SEMA6D: variants seen among roughly 807,000 people sequenced by gnomAD.
The protein encoded by SEMA6D is semaphorin 6D.
A neutral mutation model predicts 106.6 loss-of-function variants in SEMA6D; 35 were observed. The ratio of observed to expected loss-of-function variants is 0.33; its 90% CI spans 0.25 to 0.44. SEMA6D has a LOEUF of 0.44. SEMA6D is among the 20% of genes least tolerant of loss of function. The pLI is 1.00. For synonymous variants in SEMA6D, 499 were observed against 487.7 expected (o/e 1.02, Z -0.31); for missense variants, 1,185 against 1,345.9 (o/e 0.88, Z 1.87).
chr15:47,659,717 A>C (rs2077878097), intron 4 of SEMA6D, among the ~76,000 whole-genome samples: 1 of 152,148 alleles, frequency 6.6e-6, no homozygotes, highest in Non-Finnish European at 1.5e-5. Context: ...AAGTTCTTAA[A>C]GTTCACGAAA....
At chr15:47,272,039 T>G (rs1055115288) in intron 1 of SEMA6D, among the ~76,000 whole-genome samples, 4 of 152,188 alleles carry the variant, frequency 2.6e-5, no homozygotes, top group African/African-American at 7.2e-5. Context: ...ACAAGCCTTC[T>G]TCAGATCCCA....
intron 3 of SEMA6D, among the ~76,000 whole-genome samples, chr15:47,573,101 CTAGGTATCT>C: frequency 6.6e-6 from 1 of 151,550 alleles, no homozygotes; most frequent in Non-Finnish European, 1.5e-5. Flanking sequence ...AAGTGTAAGA[CTAGGTATCT>C]TAAACTCAGG....
intron 4 of SEMA6D, among the ~76,000 whole-genome samples, chr15:47,676,733 A>G (rs1363318841): frequency 2.6e-5 from 4 of 152,158 alleles, no homozygotes; most frequent in East Asian, 1.9e-4. Context: ...GCTGCAAAAC[A>G]AACCACCCCA....
intron 1 of SEMA6D, among the ~76,000 whole-genome samples, chr15:47,222,926 G>T (rs2031329680): frequency 6.6e-6 from 1 of 152,170 alleles, no homozygotes; most frequent in Non-Finnish European, 1.5e-5. Context: ...AGAAGGGTTT[G>T]CTTTGTCAAC....
Position 47,764,984 on chromosome 15 carries a change from T to A in SEMA6D, c.1355T>A (p.Leu452Gln), listed in dbSNP as rs768398406. 1.9e-5 allele frequency: 30 copies of A among 1,613,822 alleles called. No individual in the cohort carries two copies. Among genetic ancestry groups the A allele is most frequent in the African/African-American group, 2.7e-5 (2 of 74,924 alleles). Residue 452 changes from leucine to glutamine, a missense_variant, in exon 13 of 19, where the codon CTG (leucine) becomes CAG (glutamine). By Grantham distance (113) the Leu-to-Gln change is moderately radical (BLOSUM62 -2). Transcript: ENST00000536845. ...GSEAGMVLKV[L>Q]AKTSPFSLND... is the part of the protein sequence containing the mutation. ...GAAGCTGGCATGGTACTTAAAGTTC[T>A]GGCAAAGACCAGTCCTTTCTCTTTG... is the stretch of plus-strand genomic sequence containing the variant.
At chr15:47,215,749 A>G (rs1304617221) in intron 1 of SEMA6D, among the ~76,000 whole-genome samples, 1 of 152,160 alleles carries the variant, frequency 6.6e-6, no homozygotes, top group African/African-American at 2.4e-5. Flanking sequence ...TTCTAAACAA[A>G]TCTTGCTCAC....
intron 4 of SEMA6D, among the ~76,000 whole-genome samples, chr15:47,695,626 A>C (rs192459745): frequency 3.3e-5 from 5 of 152,284 alleles, no homozygotes; most frequent in African/African-American, 1.2e-4. Context: ...CCCTTTGACT[A>C]TCAAAATTTC....
At chr15:47,437,958 G>A (rs2140705145) in intron 2 of SEMA6D, among the ~76,000 whole-genome samples, 1 of 152,208 alleles carries the variant, frequency 6.6e-6, no homozygotes. Context: ...TGTGTGTGGT[G>A]GAGGGAGTTA....
At chr15:47,331,033 G>C (rs1017182492) in intron 1 of SEMA6D, among the ~76,000 whole-genome samples, 9 of 152,132 alleles carry the variant, frequency 5.9e-5, no homozygotes, top group African/African-American at 2.2e-4. Flanking sequence ...AAGCATCAAG[G>C]TCACAGTAGT....
chr15:47,707,741 A>G (rs561792319), intron 4 of SEMA6D, among the ~76,000 whole-genome samples: 1 of 152,296 alleles, frequency 6.6e-6, no homozygotes, highest in South Asian at 2.1e-4. Flanking sequence ...TCTGGAAAAT[A>G]TGTTCCCGCT....
intron 3 of SEMA6D, among the ~76,000 whole-genome samples, chr15:47,600,045 T>C (rs1197038362): frequency 6.6e-6 from 1 of 152,082 alleles, no homozygotes; most frequent in East Asian, 1.9e-4. Context: ...CGGTCAACCA[T>C]AGCATCACTT....
intron 1 of SEMA6D, among the ~76,000 whole-genome samples, chr15:47,309,492 G>A (rs966926412): frequency 6.6e-6 from 1 of 152,130 alleles, no homozygotes; most frequent in African/African-American, 2.4e-5. Context: ...AGTGATACTG[G>A]AAATTTGGAA....
chr15:47,394,052 T>C (rs1203930550), intron 1 of SEMA6D, among the ~76,000 whole-genome samples: 1 of 152,168 alleles, frequency 6.6e-6, no homozygotes, highest in Non-Finnish European at 1.5e-5. Flanking sequence ...ACCTACTCTC[T>C]TAATCAGTTT....
intron 3 of SEMA6D, among the ~76,000 whole-genome samples, chr15:47,473,636 C>T (rs368719618): frequency 7.9e-5 from 12 of 152,166 alleles, no homozygotes; most frequent in African/African-American, 2.9e-4. Context: ...GGGGTTAATG[C>T]TTAAAAAGAA....
At chr15:47,467,004 C>G (rs2141114322) in intron 2 of SEMA6D, among the ~76,000 whole-genome samples, 1 of 151,734 alleles carries the variant, frequency 6.6e-6, no homozygotes, top group South Asian at 2.1e-4. Flanking sequence ...GCTGGGATTA[C>G]AGGCATGAGC....
At chr15:47,605,543 A>G (rs975797634) in intron 4 of SEMA6D, among the ~76,000 whole-genome samples, 3 of 123,210 alleles carry the variant, frequency 2.4e-5, no homozygotes, top group Non-Finnish European at 5.0e-5. Flanking sequence ...CCCCTACTTC[A>G]GATGCCAACT....
intron 4 of SEMA6D, among the ~76,000 whole-genome samples, chr15:47,641,706 T>C (rs781621338): frequency 3.3e-5 from 5 of 152,180 alleles, no homozygotes; most frequent in Non-Finnish European, 5.9e-5. Context: ...CATATTTGCC[T>C]TTACACCTCT....
chr15:47,409,785 G>A (rs1175707216), intron 1 of SEMA6D, among the ~76,000 whole-genome samples: 2 of 151,986 alleles, frequency 1.3e-5, no homozygotes, highest in African/African-American at 2.4e-5. Context: ...TTGAGTCATA[G>A]TCCACCTTAA....
intron 3 of SEMA6D, among the ~76,000 whole-genome samples, chr15:47,582,306 T>G (rs1001172304): frequency 6.6e-6 from 1 of 152,202 alleles, no homozygotes; most frequent in Non-Finnish European, 1.5e-5. Flanking sequence ...CTCTTGACAG[T>G]GGATTACGAG....
Sources: allele counts gnomAD v4.1 joint callset (sites outside exome capture counted in the v4.1 genomes callset), GRCh38; gene constraint gnomAD v4.1.1; transcripts MANE v1.5; gene names NCBI Gene and HGNC (gene_info 2026-07-23, HGNC 2026-07-21).